Variants in HDAC4 observed in about 807,000 individuals in gnomAD.
HDAC4 encodes the protein histone deacetylase A.
A neutral mutation model predicts 135.1 loss-of-function variants in HDAC4; 16 were observed. The observed-to-expected ratio is 0.12, with a 90% CI of 0.08 to 0.18. HDAC4 has a LOEUF of 0.18. Among genes scored for constraint, HDAC4 ranks in the 10% least tolerant of loss-of-function variants. The pLI is 1.00. For missense variants in HDAC4, 1,143 were observed against 1,511.8 expected (o/e 0.76, Z 4.05); for synonymous variants, 685 against 653.4 (o/e 1.05, Z -0.74).
intron 2 of HDAC4, among the ~76,000 whole-genome samples, chr2:239,296,409 G>T (rs952111519): frequency 1.3e-5 from 2 of 152,188 alleles, no homozygotes; most frequent in African/African-American, 4.8e-5. Context: ...TGGTTTTCTG[G>T]TTTTTCCCCA....
rs2049465724 is a variant in HDAC4 at position 239,262,980 on chromosome 2, A to G, written c.23-26316T>C. On this transcript the variant is annotated intron_variant, in intron 2 of 26. Transcript: ENST00000543185. This position sits in a 1 kb window ranked among gnomAD's most constrained non-coding sequence, Gnocchi z 4.1. ...CTACGCGTGAAGCCCCCGGGAAGCC[A>G]AGCCCCAGGAAGGGCCCATTATGCC... 6.6e-6 allele frequency among the ~76,000 whole-genome samples: 1 copy of G among 152,076 alleles called. No individual in the cohort carries two copies. The highest frequency in any genetic ancestry group is 1.5e-5 in the Non-Finnish European group (1 of 68,018).
intron 2 of HDAC4, among the ~76,000 whole-genome samples, chr2:239,256,660 G>A (rs570697068): frequency 3.3e-5 from 5 of 152,244 alleles, no homozygotes; most frequent in African/African-American, 1.2e-4. Flanking sequence ...TTGTGTCCAT[G>A]ACCCTGAAGC....
chr2:239,057,231 A>C lies in HDAC4; in HGVS notation c.3004-2398T>G, dbSNP rs559126940. On this transcript the variant is annotated intron_variant, in intron 24 of 26. Transcript: ENST00000543185. ...TGTTTCTGTAAATCTCAGACTATCC[A>C]AAAATAAAAAGTTTATTAACTTTTA... Among the ~76,000 whole-genome samples, 218 of 152,352 alleles carry C rather than the reference A, an allele frequency of 1.4e-3. No individual in the cohort carries two copies. The Middle Eastern group carries it at 0.031, about 21-fold the overall frequency.
intron 1 of HDAC4, among the ~76,000 whole-genome samples, chr2:239,377,440 G>T (rs908176059): frequency 6.6e-6 from 1 of 152,220 alleles, no homozygotes. Context: ...CTGCCCCGAC[G>T]CCTGCATCCT....
chr2:239,216,611 C>T (rs2046653799), intron 3 of HDAC4, among the ~76,000 whole-genome samples: 1 of 152,224 alleles, frequency 6.6e-6, no homozygotes, highest in African/African-American at 2.4e-5. Context: ...TGAGCCTTTG[C>T]TCTTGAACTG....
rs1261971148 is a variant in HDAC4, at chr2:239,115,893, G to A, written c.1534-583C>T. Among the ~76,000 whole-genome samples, 4 of 152,024 alleles carry A rather than the reference G, an allele frequency of 2.6e-5. No homozygotes were observed. Among genetic ancestry groups the A allele is most frequent in the Non-Finnish European group, 5.9e-5 (4 of 67,998 alleles). On this transcript the variant is annotated intron_variant, in intron 12 of 26. Transcript: ENST00000543185. This position sits in a 1 kb window ranked among gnomAD's most constrained non-coding sequence, Gnocchi z 6.3. ...CCTGCTGAATCCCAGGGATGCCACG[G>A]CCTCCCCTTCTGCAGGATCTCAGGG...
intron 6 of HDAC4, among the ~76,000 whole-genome samples, chr2:239,159,160 C>G (rs1006692805): frequency 1.3e-5 from 2 of 151,110 alleles, no homozygotes; most frequent in African/African-American, 4.9e-5. Flanking sequence ...CACACCTGCA[C>G]CTCACTACTA....
intron 3 of HDAC4, among the ~76,000 whole-genome samples, chr2:239,235,411 C>T (rs942841953): frequency 6.6e-6 from 1 of 152,246 alleles, no homozygotes; most frequent in Non-Finnish European, 1.5e-5. Context: ...GTGGGTCTAA[C>T]TGGGGCACCG....
intron 21 of HDAC4, 44 bp downstream of exon 21, chr2:239,082,058 G>T: frequency 9.0e-7 from 1 of 1,110,284 alleles, no homozygotes; most frequent in Non-Finnish European, 1.3e-6. Context: ...GCGGCTCCCC[G>T]CAGTCCCCCT....
intron 7 of HDAC4, among the ~76,000 whole-genome samples, chr2:239,147,382 C>A (rs1412863920): frequency 6.6e-6 from 1 of 152,260 alleles, no homozygotes; most frequent in East Asian, 1.9e-4. Context: ...AATATCAGCC[C>A]TTCAAATGCA....
intron 3 of HDAC4, among the ~76,000 whole-genome samples, chr2:239,200,949 C>T (rs1224180595): frequency 6.6e-6 from 1 of 152,150 alleles, no homozygotes; most frequent in East Asian, 1.9e-4. Flanking sequence ...AGACTGCTCG[C>T]TCGAGCAGGA....
chr2:239,358,629 T>C (rs983495870), intron 1 of HDAC4, among the ~76,000 whole-genome samples: 21 of 152,332 alleles, frequency 1.4e-4, no homozygotes, highest in Admixed American at 5.9e-4. Context: ...TCAGTATCTC[T>C]GTATGAGTTT....
chr2:239,095,553 C>T lies in HDAC4; in HGVS notation c.2234-497G>A, dbSNP rs73092832. ...GAGGCCTCTTAGACCCTGAGATCCTCGGGAATGTATGCAGCGACAGCCCCT... is the reference window on the plus strand; with the variant it reads ...GAGGCCTCTTAGACCCTGAGATCCTTGGGAATGTATGCAGCGACAGCCCCT... On this transcript the variant is annotated intron_variant, in intron 16 of 26. Transcript: ENST00000543185. Among the ~76,000 whole-genome samples the T allele has an allele frequency of 6.4e-3, 972 of 152,252 alleles. 12 individuals are homozygous for T. Among genetic ancestry groups the T allele is most frequent in the African/African-American group, 0.022 (902 of 41,544 alleles).
At chr2:239,330,579 G>A (rs77886143) in intron 2 of HDAC4, among the ~76,000 whole-genome samples, 4,561 of 152,298 alleles carry the variant, frequency 0.03, 211 homozygotes, top group African/African-American at 0.1. Context: ...AGGCAGCCAC[G>A]TGGCAGAAGT....
rs950442276 is a variant in HDAC4, at chr2:239,089,624, G to T, written c.2388+385C>A. 7.6e-5 allele frequency: 14 copies of T among 183,544 alleles called. No homozygotes were observed. In the East Asian group the frequency reaches 2.2e-3, roughly 28 times the overall value. 11.4% of individuals were successfully genotyped at this position (183,544 alleles called of 1,614,324 possible). On this transcript the variant is annotated intron_variant, in intron 18 of 26. Transcript: ENST00000543185. ...TTACAGGTGTGAGCCACTGTGCCCG[G>T]TCGCTATTTTTAAATTAATAAACAT... is the stretch of plus-strand genomic sequence containing the variant.
chr2:239,095,826 A>G (rs558648998), intron 16 of HDAC4, among the ~76,000 whole-genome samples: 1 of 152,214 alleles, frequency 6.6e-6, no homozygotes, highest in Admixed American at 6.5e-5. Flanking sequence ...AGAGACCCCC[A>G]CTAACCAGGG....
At chr2:239,239,888 C>A (rs1421012253) in intron 2 of HDAC4, among the ~76,000 whole-genome samples, 1 of 152,270 alleles carries the variant, frequency 6.6e-6, no homozygotes, top group African/African-American at 2.4e-5. Context: ...CACAGGCGGC[C>A]TTGGAGGCGG....
At chr2:239,376,501 T>C (rs1408345257) in intron 1 of HDAC4, among the ~76,000 whole-genome samples, 1 of 151,890 alleles carries the variant, frequency 6.6e-6, no homozygotes, top group Non-Finnish European at 1.5e-5. Context: ...CCATCAGAGG[T>C]GGGACACAGA....
Position 239,189,887 on chromosome 2 carries a change from C to T in HDAC4, c.285G>A (p.Arg95=), listed in dbSNP as rs2044802648. 2.5e-6 allele frequency: 4 copies of T among 1,610,920 alleles called. No individual in the cohort carries two copies. The highest frequency in any genetic ancestry group is 1.3e-5 in the African/African-American group (1 of 74,884). ...GCTGCCGGGAGAGCTGCTCGTGCTGCCTCTGGAACTCAGCGATGAGGATCT... is the reference window on the plus strand; with the variant it reads ...GCTGCCGGGAGAGCTGCTCGTGCTGTCTCTGGAACTCAGCGATGAGGATCT... ...QRQILIAEFQ[R]QHEQLSRQHE... is the part of the protein sequence containing the mutation. Residue 95 remains arginine, a synonymous_variant, in exon 4 of 27, where the codon AGG becomes AGA. Transcript: ENST00000543185.
Sources: allele counts gnomAD v4.1 joint callset (sites outside exome capture counted in the v4.1 genomes callset), GRCh38; gene constraint gnomAD v4.1.1; non-coding constraint Gnocchi (gnomAD v3.1); transcripts MANE v1.5; gene names NCBI Gene and HGNC (gene_info 2026-07-23, HGNC 2026-07-21).